Variants in PREP observed in about 807,000 individuals in gnomAD.
The protein encoded by PREP is prolyl endopeptidase, also known as dJ355L5.1 (prolyl endopeptidase).
A neutral mutation model predicts 87.6 loss-of-function variants in PREP; 29 were observed. The observed-to-expected ratio is 0.33, with a 90% confidence interval of 0.25 to 0.45. PREP has a LOEUF of 0.45. Among genes scored for constraint, PREP ranks in the 20% least tolerant of loss-of-function variants. PREP has a pLI of 1.00. For synonymous variants in PREP, 337 were observed against 328.6 expected (o/e 1.03, Z -0.28); for missense variants, 695 against 886.5 (o/e 0.78, Z 2.74).
intron 11 of PREP, 78 bp from the exon 12 acceptor site, chr6:105,285,658 G>A: frequency 1.7e-6 from 2 of 1,154,340 alleles, no homozygotes; most frequent in South Asian, 2.5e-5. Flanking sequence ...TCTCAAAAAA[G>A]TGTATGCCCA....
chr6:105,303,385 G>A (rs1318531191), intron 10 of PREP, among the ~76,000 whole-genome samples: 1 of 152,022 alleles, frequency 6.6e-6, no homozygotes, highest in African/African-American at 2.4e-5. Flanking sequence ...AGCAATTAAA[G>A]CTCTCCACTT....
At chr6:105,321,762 C>T (rs1177842188) in intron 10 of PREP, among the ~76,000 whole-genome samples, 1 of 152,114 alleles carries the variant, frequency 6.6e-6, no homozygotes, top group Non-Finnish European at 1.5e-5. Flanking sequence ...GGCAATTATA[C>T]ACTTGGGTAC....
chr6:105,396,781 T>A (rs765887920), intron 2 of PREP, among the ~76,000 whole-genome samples: 2 of 152,068 alleles, frequency 1.3e-5, no homozygotes, highest in African/African-American at 4.8e-5. Context: ...ACTGCAAATA[T>A]GTACTAAGTA....
rs762896330 is a variant in PREP at position 105,376,217 on chromosome 6, C to T, written c.293G>A (p.Arg98Gln). The T allele has an allele frequency of 1.9e-5, 30 of 1,613,602 alleles. No individual in the cohort carries two copies. The highest frequency in any genetic ancestry group is 1.5e-4 in the South Asian group (14 of 91,000). Residue 98 changes from arginine to glutamine, a missense_variant, in exon 4 of 15, where the codon CGA (arginine) becomes CAA (glutamine). Arg to Gln is a conservative substitution (Grantham distance 43). Coordinates refer to ENST00000652536, the MANE Select transcript of PREP (RefSeq NM_002726.5). ...YFYNTGLQNQ[R>Q]VLYVQDSLEG... ...TAAGGAATCCTGTACATATAATACT[C>T]GCTGGTTCTGCAAACCTGTATTGTA...
chr6:105,350,504 T>A (rs1771918673), intron 7 of PREP, among the ~76,000 whole-genome samples: 1 of 152,224 alleles, frequency 6.6e-6, no homozygotes, highest in Non-Finnish European at 1.5e-5. Flanking sequence ...AATTTAATGA[T>A]CCCTATCTGA....
At chr6:105,402,418 T>TCACACACACACACACACACACACA (rs36086068) in intron 1 of PREP, among the ~76,000 whole-genome samples, 1 of 147,130 alleles carries the variant, frequency 6.8e-6, no homozygotes, top group African/African-American at 2.5e-5. Context: ...AAATGTGACA[T>TCACACACACACACACACACACACA]CACACACACA....
Position 105,402,839 on chromosome 6 carries a change from A to C in PREP, c.45+8T>G, listed in dbSNP as rs1218407463. The C allele has an allele frequency of 1.9e-6, 3 of 1,543,448 alleles. No homozygotes were observed. Among genetic ancestry groups the C allele is most frequent in the Non-Finnish European group, 2.6e-6 (3 of 1,142,886 alleles). On this transcript the variant is annotated splice_region_variant and intron_variant, in intron 1 of 14. Transcript: ENST00000652536. ...GGGAGCCCTCTGGGCGGAGGCAGAG[A>C]TACTTACGGCGGTCTCGTCGCGGTA...
chr6:105,318,797 C>T (rs557541341), intron 10 of PREP, among the ~76,000 whole-genome samples: 1 of 152,162 alleles, frequency 6.6e-6, no homozygotes, highest in Non-Finnish European at 1.5e-5. Flanking sequence ...AATTTCTGAC[C>T]TATACCCAAT....
At chr6:105,353,996 T>C (rs1192785352) in intron 6 of PREP, among the ~76,000 whole-genome samples, 2 of 152,142 alleles carry the variant, frequency 1.3e-5, no homozygotes, top group Non-Finnish European at 2.9e-5. Context: ...AATAAAAAAA[T>C]CTAATACAAA....
chr6:105,337,702 T>C (rs919097845), intron 7 of PREP, among the ~76,000 whole-genome samples: 1 of 152,270 alleles, frequency 6.6e-6, no homozygotes, highest in African/African-American at 2.4e-5. Context: ...CTTTGGTCTT[T>C]ATGGATTCCC....
chr6:105,360,859 A>G (rs1772227565), intron 6 of PREP, among the ~76,000 whole-genome samples: 1 of 152,218 alleles, frequency 6.6e-6, no homozygotes, highest in Non-Finnish European at 1.5e-5. Flanking sequence ...CACTCAGACC[A>G]GAGTCTTGAT....
At chr6:105,377,641 A>T in intron 2 of PREP, 122 bp from the exon 3 acceptor site, 1 of 1,014,012 alleles carries the variant, frequency 9.9e-7, no homozygotes, top group Non-Finnish European at 1.5e-6. Context: ...CTTCTCTCTC[A>T]TTACCAGCCT....
intron 5 of PREP, among the ~76,000 whole-genome samples, chr6:105,371,192 C>T (rs1772530928): frequency 6.6e-6 from 1 of 152,138 alleles, no homozygotes; most frequent in African/African-American, 2.4e-5. Context: ...GTTCTAAAAA[C>T]TAAACTTTAC....
chr6:105,344,524 T>G (rs1459624013), intron 7 of PREP, among the ~76,000 whole-genome samples: 1 of 150,948 alleles, frequency 6.6e-6, no homozygotes, highest in Non-Finnish European at 1.5e-5. Flanking sequence ...GTTCATGTCC[T>G]TTGTAGGGAC....
At chr6:105,400,760 G>C (rs114174609) in intron 1 of PREP, among the ~76,000 whole-genome samples, 2,218 of 152,298 alleles carry the variant, frequency 0.015, 60 homozygotes, top group African/African-American at 0.051. Flanking sequence ...CAAAAAGGCA[G>C]AACTCCACCA....
chr6:105,285,271 A>C (rs921753566), intron 12 of PREP, among the ~76,000 whole-genome samples: 2 of 152,218 alleles, frequency 1.3e-5, no homozygotes, highest in African/African-American at 4.8e-5. Context: ...TATGTACTTC[A>C]TCTATTTATT....
At chr6:105,338,075 A>G (rs1270672805) in intron 7 of PREP, among the ~76,000 whole-genome samples, 1 of 152,242 alleles carries the variant, frequency 6.6e-6, no homozygotes, top group African/African-American at 2.4e-5. Flanking sequence ...TTTGAAGAGA[A>G]TAAGAAATGT....
At chr6:105,324,148 T>A (rs1022924415) in intron 9 of PREP, among the ~76,000 whole-genome samples, 2 of 152,198 alleles carry the variant, frequency 1.3e-5, no homozygotes, top group African/African-American at 4.8e-5. Context: ...AAAAAAATGG[T>A]AGACTTCATC....
chr6:105,295,496 T>C (rs1770390660), intron 10 of PREP, among the ~76,000 whole-genome samples: 1 of 152,108 alleles, frequency 6.6e-6, no homozygotes, highest in Non-Finnish European at 1.5e-5. Flanking sequence ...ATCTTCCTAA[T>C]CATTAATCCC....
Sources: allele counts gnomAD v4.1 joint callset (sites outside exome capture counted in the v4.1 genomes callset), GRCh38; gene constraint gnomAD v4.1.1; transcripts MANE v1.5; gene names NCBI Gene and HGNC (gene_info 2026-07-23, HGNC 2026-07-21).